LILRB5: variants seen among roughly 807,000 people sequenced by gnomAD.
The protein encoded by LILRB5 is leukocyte immunoglobulin-like receptor subfamily B member 5.
In LILRB5, 61 loss-of-function variants were observed where a neutral mutation model predicts 68.4. The observed-to-expected ratio is 0.89, with a 90% CI of 0.73 to 1.10. LILRB5 has a LOEUF of 1.10. Ranked by LOEUF, LILRB5 falls within the 50% of genes least tolerant of loss-of-function variation. The pLI is 0.00. For synonymous variants in LILRB5, 356 were observed against 315.8 expected, an observed-to-expected ratio of 1.13 and a Z score of -1.35; for missense variants, 771 against 751.6, an observed-to-expected ratio of 1.03 and a Z score of -0.30.
At chr19:54,253,232 C>G in intron 8 of LILRB5, 1 of 224,874 alleles carries the variant, frequency 4.4e-6, no homozygotes, top group South Asian at 4.9e-5. Flanking sequence ...TGTGTTTTCC[C>G]CAGCTGTCCT....
chr19:54,251,765 G>A (rs2078960280), intron 12 of LILRB5: 2 of 666,610 alleles, frequency 3.0e-6, no homozygotes, highest in South Asian at 1.6e-5. Context: ...GAGCCTGGGG[G>A]ACCGGGTCGG....
Position 54,256,493 on chromosome 19 carries a change from C to T in LILRB5, c.351G>A (p.Ala117=), listed in dbSNP as rs372851373. 149 of 1,613,708 alleles carry T rather than the reference C, an allele frequency of 9.2e-5. No homozygotes were observed. The highest frequency in any genetic ancestry group is 1.2e-4 in the Non-Finnish European group (136 of 1,179,872). The change falls in exon 3 of 13, where the codon GCG becomes GCA. Residue 117 remains alanine (A), a synonymous_variant. Transcript: ENST00000449561. ...GACCCCTGAGTGTCCTCTCACCTGT[C>T]GCCACCAGCTCCAGGGGGTCACTGG... is the stretch of plus-strand genomic sequence containing the variant. ...SEPSDPLELV[A]TGFYAEPTLL...
At chr19:54,256,440 T>A in intron 3 of LILRB5, 49 bp downstream of exon 3, 1 of 1,605,054 alleles carries the variant, frequency 6.2e-7, no homozygotes, top group Non-Finnish European at 8.5e-7. Flanking sequence ...GAGCCGACCC[T>A]CTTCCTGAGG....
intron 7 of LILRB5, 93 bp from the exon 8 acceptor site, chr19:54,254,161 A>ATC: frequency 6.5e-7 from 1 of 1,534,054 alleles, no homozygotes; most frequent in Non-Finnish European, 8.8e-7. Flanking sequence ...AACACCCAAC[A>ATC]TCTCTCTCTG....
Position 54,255,427 on chromosome 19 carries a change from G to T in LILRB5, c.811C>A (p.Pro271Thr), listed in dbSNP as rs747129896. ...TTGGCCTGGGAGAGCCCAGCCTGGGGCTGCTGGCCAGAGCCCTGGACGAGG... is the reference window on the plus strand; with the variant it reads ...TTGGCCTGGGAGAGCCCAGCCTGGGTCTGCTGGCCAGAGCCCTGGACGAGG... The part of the protein sequence containing the change: ...HDLVQGSGQQ[P>T]QAGLSQANFT... The change falls in exon 5 of 13, where the codon CCC becomes ACC. Residue 271 changes from proline to threonine, a missense_variant. Coordinates refer to ENST00000449561, the MANE Select transcript of LILRB5 (RefSeq NM_001081442.3). 5.0e-6 allele frequency: 8 copies of T among 1,614,018 alleles called. No individual in the cohort carries two copies. The highest frequency in any genetic ancestry group is 1.7e-5 in the Admixed American group (1 of 60,006).
chr19:54,253,054 C>T (rs561168808), intron 8 of LILRB5, 67 bp from the exon 9 acceptor site: 82 of 1,022,602 alleles, frequency 8.0e-5, no homozygotes, highest in African/African-American at 4.1e-4. Flanking sequence ...TGTGCAGGCG[C>T]GAGCTAGGTC....
chr19:54,253,608 G>T, intron 8 of LILRB5: 1 of 498,164 alleles, frequency 2.0e-6, no homozygotes, highest in Non-Finnish European at 3.7e-6. Flanking sequence ...ATGGGACTGA[G>T]CCAGTTTACA....
rs780633754 is a variant in LILRB5 at position 54,252,968 on chromosome 19, C to G, written c.1377G>C (p.Gly459=). Residue 459 remains glycine, a synonymous_variant, in exon 9 of 13, where the codon GGG becomes GGC. Transcript: ENST00000449561. ...AGGCCACTGAGACCCCAGTCACAACCCCCAGGTGCCTTCCCAGACCTTGAG... is the reference window on the plus strand; with the variant it reads ...AGGCCACTGAGACCCCAGTCACAACGCCCAGGTGCCTTCCCAGACCTTGAG... The part of the protein sequence containing the change: ...DPQSGLGRHL[G]VVTGVSVAFV... 156 of 1,570,084 alleles carry G rather than the reference C, an allele frequency of 9.9e-5. No individual in the cohort carries two copies. Among genetic ancestry groups the G allele is most frequent in the Middle Eastern group, 1.7e-4 (1 of 5,874 alleles).
At chr19:54,257,090 G>A in intron 1 of LILRB5, 70 bp downstream of exon 1, 2 of 1,613,600 alleles carry the variant, frequency 1.2e-6, no homozygotes, top group South Asian at 1.1e-5. Flanking sequence ...TTCTCTGATA[G>A]ACCAGAGCCT....
intron 9 of LILRB5, 150 bp downstream of exon 9, chr19:54,252,721 A>G: frequency 9.9e-7 from 1 of 1,009,752 alleles, no homozygotes; most frequent in Non-Finnish European, 1.5e-6. Flanking sequence ...ACATGCTCAC[A>G]TTTATTCTCT....
Position 54,250,611 on chromosome 19 carries a change from A to T in LILRB5, c.*175T>A. 1.4e-6 allele frequency: 1 copy of T among 705,280 alleles called. No homozygotes were observed. The highest frequency in any genetic ancestry group is 2.3e-6 in the Non-Finnish European group (1 of 428,682). The allele number at this position is 705,280 out of a possible 1,614,324, so 43.7% of individuals were successfully genotyped here. On this transcript the variant is annotated 3_prime_UTR_variant, in exon 13 of 13. Coordinates refer to ENST00000449561, the MANE Select transcript of LILRB5 (RefSeq NM_001081442.3). Reference sequence around the variant, plus strand: ...TTCATTTCAAAAATGCAAGGATATTAGTCATCTTTGACTGCAGAATCTAGT... The same window carrying T: ...TTCATTTCAAAAATGCAAGGATATTTGTCATCTTTGACTGCAGAATCTAGT...
At position 54,255,018 on chromosome 19, in the gene LILRB5, G is replaced by A. The variant is rs757729547; in HGVS notation, c.972C>T (p.Pro324=). Residue 324 remains proline, a synonymous_variant, in exon 6 of 13, where the codon CCC becomes CCT. Transcript: ENST00000449561. ...TGGGGCCCGGCTGCACCGAGAGGGC[G>A]GGTATGTCAGGGATCAGTCCTGGAG... The part of the protein sequence containing the change: ...ILIAGLIPDI[P]ALSVQPGPKV... The A allele has an allele frequency of 1.4e-5, 23 of 1,608,916 alleles. No homozygotes were observed. The Admixed American group carries it at 1.7e-4, about 12-fold the overall frequency.
intron 9 of LILRB5, 101 bp downstream of exon 9, chr19:54,252,770 C>T (rs182901067): frequency 9.3e-6 from 11 of 1,185,706 alleles, no homozygotes; most frequent in East Asian, 4.7e-5. Context: ...ATTTCTGGAG[C>T]AGTTTTTCTA....
chr19:54,250,564 G>T lies in LILRB5; in HGVS notation c.*222C>A, dbSNP rs2078908639. 4 of 557,456 alleles carry T rather than the reference G, an allele frequency of 7.2e-6. No homozygotes were observed. Among genetic ancestry groups the T allele is most frequent in the Non-Finnish European group, 1.3e-5 (4 of 318,526 alleles). 34.5% of individuals were successfully genotyped at this position (557,456 alleles called of 1,614,324 possible). A position where few individuals can be genotyped will look rare whatever the true frequency, so the allele number is the denominator to read the frequency against. ...TCTGTTTCAGTTTTCTCAGCTCATT[G>T]ATTTATTGAGAAGTCTGTGGCTTCA... On this transcript the variant is annotated 3_prime_UTR_variant, in exon 13 of 13. Transcript: ENST00000449561.
In LILRB5 at chr19:54,250,391, T is replaced by C. The variant is rs1239904428; in HGVS notation, c.*395A>G. 5.4e-6 allele frequency: 1 copy of C among 183,956 alleles called. No homozygotes were observed. Among genetic ancestry groups the C allele is most frequent in the African/African-American group, 2.4e-5 (1 of 42,190 alleles). The allele number at this position is 183,956 out of a possible 1,614,324, so 11.4% of individuals were successfully genotyped here. ...TCATTTGGAATAATTTGTTGTTCTT[T>C]TTCTAAATTCTTTCTGTCATTGCCA... On this transcript the variant is annotated 3_prime_UTR_variant, in exon 13 of 13. Coordinates refer to ENST00000449561, the MANE Select transcript of LILRB5 (RefSeq NM_001081442.3).
Position 54,255,491 on chromosome 19 carries a change from G to T in LILRB5, c.747C>A (p.Gly249=), listed in dbSNP as rs750472114. 8 of 1,613,962 alleles carry T rather than the reference G, an allele frequency of 5.0e-6. No homozygotes were observed. Among genetic ancestry groups the T allele is most frequent in the Non-Finnish European group, 5.9e-6 (7 of 1,179,976 alleles). ...CCTTGTACAGAACGAATATGTCATAGCCGACATCAGAGCGACACTGCAGGG... is the reference window on the plus strand; with the variant it reads ...CCTTGTACAGAACGAATATGTCATATCCGACATCAGAGCGACACTGCAGGG... The part of the protein sequence containing the change: ...SLTLQCRSDV[G]YDIFVLYKEG... Residue 249 remains glycine, a synonymous_variant, in exon 5 of 13, where the codon GGC becomes GGA. Coordinates refer to ENST00000449561, the MANE Select transcript of LILRB5 (RefSeq NM_001081442.3).
Position 54,250,737 on chromosome 19 carries a change from A to G in LILRB5, c.*49T>C. On this transcript the variant is annotated 3_prime_UTR_variant, in exon 13 of 13. Transcript: ENST00000449561. The stretch of plus-strand genomic sequence containing the variant: ...TGGGGGCAGCTCCTGTGCCTTCTGG[A>G]GTCTCTGAGTCTCCTTCTGTTGAGT... 1 of 1,611,566 alleles carries G rather than the reference A, an allele frequency of 6.2e-7. No individual in the cohort carries two copies. The highest frequency in any genetic ancestry group is 8.5e-7 in the Non-Finnish European group (1 of 1,178,440).
rs767463700 is a variant in LILRB5 at position 54,254,731 on chromosome 19, T to C, written c.1255+4A>G. On this transcript the variant is annotated splice_donor_region_variant and intron_variant, in intron 6 of 12. Transcript: ENST00000449561. Reference sequence around the variant, plus strand: ...CTTGGACAGGACAGGGTCAGGGCCCTCACCTGAGACCACGAGCTCCTGGGG... The same window carrying C: ...CTTGGACAGGACAGGGTCAGGGCCCCCACCTGAGACCACGAGCTCCTGGGG... 1 of 1,613,742 alleles carries C rather than the reference T, an allele frequency of 6.2e-7. No individual in the cohort carries two copies. The highest frequency in any genetic ancestry group is 8.5e-7 in the Non-Finnish European group (1 of 1,179,826).
At chr19:54,252,345 C>T (rs1230158714) in intron 11 of LILRB5, 21 bp downstream of exon 11, 1 of 1,613,462 alleles carries the variant, frequency 6.2e-7, no homozygotes, top group Non-Finnish European at 8.5e-7. Flanking sequence ...CCCCAGGTGC[C>T]CTCCGCTTCT....
Sources: gnomAD v4.1 joint callset for allele counts on GRCh38, gnomAD v4.1.1 for gene constraint, MANE v1.5 for transcripts, NCBI Gene and HGNC (gene_info 2026-07-23, HGNC 2026-07-21) for gene names.